NRG1: variants seen among roughly 807,000 people sequenced by gnomAD.
The protein encoded by NRG1 is neuregulin 1.
NRG1 carries 18 observed loss-of-function variants against 63.8 expected under a neutral mutation model. The ratio of observed to expected loss-of-function variants is 0.28; its 90% CI spans 0.19 to 0.42. The LOEUF is 0.42. NRG1 is among the 10% of genes least tolerant of loss of function. NRG1 has a pLI of 1.00. For synonymous variants in NRG1, 302 were observed against 301.3 expected (o/e 1.00, Z -0.02); for missense variants, 762 against 814.7 (o/e 0.94, Z 0.79).
At chr8:32,351,092 T>A (rs531858826) in intron 1 of NRG1, among the ~76,000 whole-genome samples, 2 of 152,344 alleles carry the variant, frequency 1.3e-5, no homozygotes, top group South Asian at 4.1e-4. Context: ...TTTTTTTACT[T>A]TGGTACTGGG....
At chr8:32,356,289 G>T (rs1232352830) in intron 1 of NRG1, among the ~76,000 whole-genome samples, 2 of 152,096 alleles carry the variant, frequency 1.3e-5, no homozygotes, top group Non-Finnish European at 1.5e-5. Context: ...AATACAAGGG[G>T]TAATTAGACA....
At chr8:32,232,631 T>C (rs1847079339) in intron 1 of NRG1, among the ~76,000 whole-genome samples, 1 of 152,148 alleles carries the variant, frequency 6.6e-6, no homozygotes, top group African/African-American at 2.4e-5. Flanking sequence ...AACATTCTCA[T>C]TTCAGACGAT....
In NRG1 at chr8:32,363,041, G is replaced by C. The variant is rs557619226; in HGVS notation, c.38-232787G>C. On this transcript the variant is annotated intron_variant, in intron 1 of 10. Coordinates refer to the NRG1 transcript ENST00000519301. The stretch of plus-strand genomic sequence containing the variant: ...AATTAACTCTGCCCATGCTGCTGAA[G>C]TTTCAGTCCATTAGTCTGAGTGAAT... Among the ~76,000 whole-genome samples the C allele has an allele frequency of 2.6e-5, 4 of 152,312 alleles. No individual in the cohort carries two copies. The East Asian group carries it at 7.7e-4, about 29-fold the overall frequency.
chr8:31,935,918 T>G (rs866164345), intron 1 of NRG1, among the ~76,000 whole-genome samples: 12 of 152,204 alleles, frequency 7.9e-5, no homozygotes, highest in African/African-American at 2.9e-4. Context: ...CTTGAAGGCT[T>G]CCACCTGCTC....
intron 1 of NRG1, among the ~76,000 whole-genome samples, chr8:32,293,073 C>T (rs1230541927): frequency 2.0e-5 from 3 of 151,996 alleles, no homozygotes; most frequent in Non-Finnish European, 4.4e-5. Context: ...CACTGCACTC[C>T]AGCCTGGGCA....
chr8:31,935,423 T>C (rs1048264847), intron 1 of NRG1, among the ~76,000 whole-genome samples: 7 of 150,554 alleles, frequency 4.6e-5, no homozygotes, highest in Middle Eastern at 3.4e-3. Context: ...ACACCCAGCC[T>C]AATATTTTAT....
Position 32,175,339 on chromosome 8 carries a change from A to G in NRG1, c.38-420489A>G, listed in dbSNP as rs180840611. ...TATTGATGGGACATATGTCAAAATA[A>G]TAAGAACTATCTATGACAAACCCAT... On this transcript the variant is annotated intron_variant, in intron 1 of 10. Coordinates refer to the NRG1 transcript ENST00000519301. Among the ~76,000 whole-genome samples, 19 of 152,336 alleles carry G rather than the reference A, an allele frequency of 1.2e-4. No homozygotes were observed. The East Asian group carries it at 3.7e-3, about 29-fold the overall frequency.
chr8:31,640,163 C>A lies in NRG1; in HGVS notation c.37+732C>A. On this transcript the variant is annotated intron_variant, in intron 1 of 10. Coordinates refer to the NRG1 transcript ENST00000519301. This position sits in a 1 kb window ranked among gnomAD's most constrained non-coding sequence, Gnocchi z 6.3. ...AACGAGGCGGCTCCCGCGGGGGCCT[C>A]GGTGTGCTACTCGTCCCCGCCCAGC... The A allele has an allele frequency of 8.5e-7, 1 of 1,181,868 alleles. No homozygotes were observed. The highest frequency in any genetic ancestry group is 1.0e-6 in the Non-Finnish European group (1 of 955,888). The allele number at this position is 1,181,868 out of a possible 1,614,324, so 73.2% of individuals were successfully genotyped here.
intron 1 of NRG1, among the ~76,000 whole-genome samples, chr8:32,549,037 AGCTCAGG>A (rs1301267333): frequency 1.3e-5 from 2 of 152,142 alleles, no homozygotes; most frequent in African/African-American, 2.4e-5. Flanking sequence ...CTACGCCCAG[AGCTCAGG>A]GCAAGGGACA....
At chr8:32,490,069 C>A (rs572652896) in intron 1 of NRG1, among the ~76,000 whole-genome samples, 1 of 152,206 alleles carries the variant, frequency 6.6e-6, no homozygotes, top group South Asian at 2.1e-4. Flanking sequence ...AATGGGAGAC[C>A]AAGGTAGGAG....
At chr8:32,063,990 T>C (rs573825672) in intron 1 of NRG1, among the ~76,000 whole-genome samples, 28 of 152,140 alleles carry the variant, frequency 1.8e-4, no homozygotes, top group African/African-American at 6.0e-4. Context: ...CTTGTATTTA[T>C]TGGAGTCCAG....
chr8:32,596,872 AG>A (rs1156617263), intron 2 of NRG1, among the ~76,000 whole-genome samples: 16 of 152,146 alleles, frequency 1.1e-4, no homozygotes, highest in African/African-American at 3.9e-4. Flanking sequence ...AATCTTAGGT[AG>A]CAAGAATTTT....
intron 1 of NRG1, among the ~76,000 whole-genome samples, chr8:32,154,043 G>A (rs1837794248): frequency 6.6e-6 from 1 of 152,120 alleles, no homozygotes; most frequent in Non-Finnish European, 1.5e-5. Flanking sequence ...GTGAAGCTTT[G>A]TTCATCTGAA....
At chr8:32,593,673 C>T (rs1434526353) in intron 1 of NRG1, among the ~76,000 whole-genome samples, 2 of 150,350 alleles carry the variant, frequency 1.3e-5, no homozygotes, top group East Asian at 1.9e-4. Context: ...ATAAATAAAT[C>T]CCTTCACCAG....
At chr8:32,317,904 T>G (rs1412700912) in intron 1 of NRG1, among the ~76,000 whole-genome samples, 1 of 152,124 alleles carries the variant, frequency 6.6e-6, no homozygotes, top group Non-Finnish European at 1.5e-5. Flanking sequence ...TGGATATAAT[T>G]GAAGAGATGC....
At chr8:32,395,178 A>C (rs73250444) in intron 1 of NRG1, among the ~76,000 whole-genome samples, 18,122 of 152,184 alleles carry the variant, frequency 0.12, 1,244 homozygotes, top group Non-Finnish European at 0.15. Flanking sequence ...TGAGCTTATG[A>C]GCTAATGCAG....
At chr8:32,168,130 G>A (rs1014067029) in intron 1 of NRG1, among the ~76,000 whole-genome samples, 2 of 152,074 alleles carry the variant, frequency 1.3e-5, no homozygotes, top group African/African-American at 2.4e-5. Context: ...AACTAGAAGA[G>A]CAATCACAGC....
intron 5 of NRG1, among the ~76,000 whole-genome samples, chr8:32,628,335 T>C (rs1192556586): frequency 6.6e-6 from 1 of 152,210 alleles, no homozygotes; most frequent in African/African-American, 2.4e-5. Flanking sequence ...TGCATTTTTT[T>C]CCTCTGTTGT....
At chr8:32,329,282 T>C (rs1203800378) in intron 1 of NRG1, among the ~76,000 whole-genome samples, 1 of 152,144 alleles carries the variant, frequency 6.6e-6, no homozygotes, top group Non-Finnish European at 1.5e-5. Context: ...ATCTACAGAT[T>C]ATCATCTATT....
Sources: gnomAD v4.1 joint callset for allele counts (sites outside exome capture counted in the v4.1 genomes callset) on GRCh38, gnomAD v4.1.1 for gene constraint, Gnocchi (gnomAD v3.1) non-coding constraint, MANE v1.5 for transcripts, NCBI Gene and HGNC (gene_info 2026-07-23, HGNC 2026-07-21) for gene names.